CTNNA2: variants seen among roughly 807,000 people sequenced by gnomAD.
CTNNA2 encodes the protein catenin alpha 2.
Under a neutral mutation model 101.0 loss-of-function variants are expected in CTNNA2, and 42 were observed. The observed-to-expected ratio is 0.42, with a 90% CI of 0.32 to 0.54. CTNNA2 has a LOEUF of 0.54. Ranked by LOEUF, CTNNA2 falls within the 20% of genes least tolerant of loss-of-function variation. The probability of loss-of-function intolerance (pLI) is 0.14; values close to 1 mark genes in which losing one functional copy is unlikely to be tolerated. For missense variants in CTNNA2, 871 were observed against 1,223.1 expected, an observed-to-expected ratio of 0.71 and a Z score of 4.29; for synonymous variants, 450 against 456.4, an observed-to-expected ratio of 0.99 and a Z score of 0.18.
chr2:79,975,154 A>G lies in CTNNA2; in HGVS notation c.1056+65357A>G, dbSNP rs539178289. On this transcript the variant is annotated intron_variant, in intron 7 of 18. Coordinates refer to ENST00000402739, the MANE Select transcript of CTNNA2 (RefSeq NM_001282597.3). ...AAATGGATAAGGAGTGACTTGCCTTATTCGTGAAACAAAATGATTTTGAGT... is the reference window on the plus strand; with the variant it reads ...AAATGGATAAGGAGTGACTTGCCTTGTTCGTGAAACAAAATGATTTTGAGT... Among the ~76,000 whole-genome samples the G allele has an allele frequency of 6.6e-5, 10 of 151,458 alleles. No individual in the cohort carries two copies. The South Asian group carries it at 1.9e-3, about 29-fold the overall frequency.
At chr2:79,818,459 C>T (rs565201363) in intron 3 of CTNNA2, among the ~76,000 whole-genome samples, 20 of 151,386 alleles carry the variant, frequency 1.3e-4, no homozygotes, top group African/African-American at 4.1e-4. Flanking sequence ...ATTACAGGCG[C>T]CCGCCACCAT....
intron 3 of CTNNA2, among the ~76,000 whole-genome samples, chr2:79,758,090 C>T (rs1319550942): frequency 1.3e-5 from 2 of 152,126 alleles, no homozygotes; most frequent in Non-Finnish European, 2.9e-5. Context: ...GAAACTATCT[C>T]CATTTCATGT....
intron 9 of CTNNA2, among the ~76,000 whole-genome samples, chr2:80,485,156 G>A (rs1432751292): frequency 1.3e-5 from 2 of 152,130 alleles, no homozygotes; most frequent in African/African-American, 4.8e-5. Context: ...CAAAGAATGT[G>A]TATATAAATT....
chr2:80,270,993 A>G (rs1416687137), intron 7 of CTNNA2, among the ~76,000 whole-genome samples: 3 of 152,176 alleles, frequency 2.0e-5, no homozygotes, highest in Non-Finnish European at 4.4e-5. Context: ...ATCTTTGATC[A>G]TATAAGGTCC....
chr2:80,384,320 A>G (rs1365228262), intron 7 of CTNNA2, among the ~76,000 whole-genome samples: 1 of 152,110 alleles, frequency 6.6e-6, no homozygotes, highest in Non-Finnish European at 1.5e-5. Flanking sequence ...ATTTGATGTG[A>G]CACATAATGT....
At chr2:79,438,307 A>C (rs902283959) in intron 4 of CTNNA2, among the ~76,000 whole-genome samples, 4 of 152,090 alleles carry the variant, frequency 2.6e-5, no homozygotes, top group Non-Finnish European at 5.9e-5. Flanking sequence ...CTGTCTTTCA[A>C]CCGTGAGTGT....
At chr2:80,103,676 T>G (rs1355514348) in intron 7 of CTNNA2, among the ~76,000 whole-genome samples, 1 of 149,080 alleles carries the variant, frequency 6.7e-6, no homozygotes, top group Non-Finnish European at 1.5e-5. Flanking sequence ...CCTGAGTGAG[T>G]TCTACACAGT....
chr2:79,247,340 T>G lies in CTNNA2; in HGVS notation c.-406+49264T>G, dbSNP rs149671227. Among the ~76,000 whole-genome samples the G allele has an allele frequency of 6.4e-3, 977 of 152,312 alleles. 9 individuals carry two copies. The highest frequency in any genetic ancestry group is 0.022 in the African/African-American group (910 of 41,584). ...CTCATGGGATTTTGCAAGTATCAAA[T>G]GAAATAAACATGAGAAAATATTTTG... On this transcript the variant is annotated intron_variant, in intron 2 of 21. Coordinates refer to the CTNNA2 transcript ENST00000466387.
At chr2:79,420,672 T>A (rs1181242912) in intron 4 of CTNNA2, among the ~76,000 whole-genome samples, 1 of 152,180 alleles carries the variant, frequency 6.6e-6, no homozygotes, top group African/African-American at 2.4e-5. Flanking sequence ...GTAGTACCTA[T>A]CTCAAAGAGT....
At chr2:80,103,823 C>T (rs564847149) in intron 7 of CTNNA2, among the ~76,000 whole-genome samples, 1 of 152,324 alleles carries the variant, frequency 6.6e-6, no homozygotes, top group East Asian at 1.9e-4. Flanking sequence ...CAATCTCTGC[C>T]TCCCGGGTTC....
intron 4 of CTNNA2, among the ~76,000 whole-genome samples, chr2:79,390,669 C>T (rs1678161617): frequency 6.6e-6 from 1 of 152,144 alleles, no homozygotes; most frequent in Admixed American, 6.6e-5. Flanking sequence ...CAGTAACTAG[C>T]CCTGGTTTTC....
chr2:80,219,630 G>T lies in CTNNA2; in HGVS notation c.1057-173581G>T, dbSNP rs369833693. On this transcript the variant is annotated intron_variant, in intron 7 of 18. Coordinates refer to ENST00000402739, the MANE Select transcript of CTNNA2 (RefSeq NM_001282597.3). ...ATACCTGTAACACTGCAGAGTTGATGTACATAGTTCTTTACCTTTGCCCAT... is the reference window on the plus strand; with the variant it reads ...ATACCTGTAACACTGCAGAGTTGATTTACATAGTTCTTTACCTTTGCCCAT... Among the ~76,000 whole-genome samples, 4 of 152,100 alleles carry T rather than the reference G, an allele frequency of 2.6e-5. No homozygotes were observed. The East Asian group carries it at 7.7e-4, about 29-fold the overall frequency.
Position 79,578,575 on chromosome 2 carries a change from A to G in CTNNA2, c.-6+65368A>G, listed in dbSNP as rs1675941384. 2.0e-5 allele frequency among the ~76,000 whole-genome samples: 3 copies of G among 152,032 alleles called. No homozygotes were observed. In the South Asian group the frequency reaches 6.2e-4, roughly 32 times the overall value. On this transcript the variant is annotated intron_variant, in intron 1 of 18. Transcript: ENST00000402739. ...TTTTTTCTGTATGGGTGAAGTAGGG[A>G]TCTGATTATTTTTTATTGTTTGGGT... is the stretch of plus-strand genomic sequence containing the variant.
chr2:79,579,179 CCTTCCTTCCTTT>C (rs948992111), intron 1 of CTNNA2, among the ~76,000 whole-genome samples: 3 of 147,510 alleles, frequency 2.0e-5, no homozygotes, highest in South Asian at 2.2e-4. Context: ...TAATTTCCTT[CCTTCCTTCCTTT>C]CTTCCTTCCT....
intron 7 of CTNNA2, among the ~76,000 whole-genome samples, chr2:80,204,148 A>G (rs1707381864): frequency 1.3e-5 from 2 of 152,168 alleles, no homozygotes; most frequent in African/African-American, 2.4e-5. Flanking sequence ...CTGTGATGGG[A>G]GGGGCTGCCG....
chr2:80,040,966 G>A (rs1358228056), intron 7 of CTNNA2, among the ~76,000 whole-genome samples: 1 of 152,060 alleles, frequency 6.6e-6, no homozygotes, highest in Non-Finnish European at 1.5e-5. Context: ...TTGGTAGAGT[G>A]AATTACAGTC....
intron 2 of CTNNA2, among the ~76,000 whole-genome samples, chr2:79,297,310 C>G (rs1573049445): frequency 6.6e-6 from 1 of 152,286 alleles, no homozygotes; most frequent in Non-Finnish European, 1.5e-5. Context: ...ATCTTGAAAC[C>G]AGTAGAACCT....
intron 6 of CTNNA2, among the ~76,000 whole-genome samples, chr2:79,877,287 C>T (rs1466350999): frequency 1.3e-5 from 2 of 152,038 alleles, no homozygotes; most frequent in Admixed American, 6.6e-5. Flanking sequence ...GGTTCCCTAA[C>T]AATTGTCATT....
intron 2 of CTNNA2, among the ~76,000 whole-genome samples, chr2:79,735,132 T>C (rs556942090): frequency 1.3e-4 from 20 of 152,092 alleles, no homozygotes; most frequent in Non-Finnish European, 2.4e-4. Context: ...GTTTCTCTCA[T>C]GTAAGCTTTT....
Sources: gnomAD v4.1 joint callset for allele counts (sites outside exome capture counted in the v4.1 genomes callset) on GRCh38, gnomAD v4.1.1 for gene constraint, MANE v1.5 for transcripts, NCBI Gene and HGNC (gene_info 2026-07-23, HGNC 2026-07-21) for gene names.